TRIO: variants seen among roughly 807,000 people sequenced by gnomAD.
TRIO encodes trio Rho guanine nucleotide exchange factor, also known as triple functional domain protein.
TRIO carries 58 observed loss-of-function variants against 351.9 expected under a neutral mutation model. That is an observed-to-expected ratio of 0.16 (90% CI 0.13 to 0.21). The LOEUF (loss-of-function observed/expected upper bound fraction) is 0.21. TRIO is among the 10% of genes least tolerant of loss of function. The pLI, the probability that TRIO is intolerant of heterozygous loss-of-function variation, is 1.00. For missense variants in TRIO, 3,201 were observed against 4,027.8 expected (o/e 0.79, Z 5.56); for synonymous variants, 1,758 against 1,595.7 (o/e 1.10, Z -2.42).
At chr5:14,392,841 T>A (rs1161612819) in intron 27 of TRIO, among the ~76,000 whole-genome samples, 3 of 152,184 alleles carry the variant, frequency 2.0e-5, no homozygotes, top group African/African-American at 7.2e-5. Flanking sequence ...GGTCAGGAGA[T>A]CGACACCATC....
intron 53 of TRIO, among the ~76,000 whole-genome samples, chr5:14,499,710 G>A (rs2126688087): frequency 6.6e-6 from 1 of 152,050 alleles, no homozygotes; most frequent in South Asian, 2.1e-4. Context: ...AATTACACAG[G>A]TGATTTTTTT....
chr5:14,316,060 A>G (rs1190676521), intron 8 of TRIO, among the ~76,000 whole-genome samples: 3 of 152,202 alleles, frequency 2.0e-5, no homozygotes, highest in Non-Finnish European at 2.9e-5. Context: ...TTAAGGAACA[A>G]TTTTGTTCCA....
At chr5:14,402,330 G>A (rs1274796390) in intron 31 of TRIO, among the ~76,000 whole-genome samples, 3 of 152,194 alleles carry the variant, frequency 2.0e-5, no homozygotes, top group Non-Finnish European at 2.9e-5. Flanking sequence ...AATGCTCATG[G>A]TACAGTTGAC....
At chr5:14,242,383 A>G (rs1324663209) in intron 1 of TRIO, among the ~76,000 whole-genome samples, 1 of 152,284 alleles carries the variant, frequency 6.6e-6, no homozygotes, top group Non-Finnish European at 1.5e-5. Context: ...GAAACACAAA[A>G]GATACCAATC....
chr5:14,376,896 C>T (rs1163152135), intron 19 of TRIO, among the ~76,000 whole-genome samples: 1 of 152,180 alleles, frequency 6.6e-6, no homozygotes, highest in African/African-American at 2.4e-5. Flanking sequence ...CTGGATCTTA[C>T]CCGTCTAGCA....
At chr5:14,404,833 G>A (rs1274101270) in intron 31 of TRIO, among the ~76,000 whole-genome samples, 1 of 152,150 alleles carries the variant, frequency 6.6e-6, no homozygotes, top group East Asian at 1.9e-4. Flanking sequence ...TGTAGAAAGA[G>A]GATGATCAAT....
At chr5:14,253,117 C>T (rs878882245) in intron 1 of TRIO, among the ~76,000 whole-genome samples, 1 of 152,202 alleles carries the variant, frequency 6.6e-6, no homozygotes, top group Admixed American at 6.5e-5. Context: ...AAACTCTGCT[C>T]AAGAAAAGGA....
chr5:14,352,103 T>C (rs1036218428), intron 11 of TRIO, among the ~76,000 whole-genome samples: 2 of 152,242 alleles, frequency 1.3e-5, no homozygotes, highest in African/African-American at 4.8e-5. Flanking sequence ...TCCATGTCCC[T>C]TCCTAGTCAT....
chr5:14,482,799 T>C (rs1342359305), intron 46 of TRIO, 26 bp downstream of exon 46: 2 of 1,514,972 alleles, frequency 1.3e-6, no homozygotes, highest in African/African-American at 1.4e-5. Flanking sequence ...GTGTGATTTC[T>C]CTGTGCCAGC....
intron 15 of TRIO, among the ~76,000 whole-genome samples, 198 bp downstream of exon 15, chr5:14,365,014 G>T (rs1744475131): frequency 6.6e-6 from 1 of 152,194 alleles, no homozygotes; most frequent in Non-Finnish European, 1.5e-5. Context: ...TGAAAAGGGA[G>T]CCAGTGGCCA....
chr5:14,399,847 A>G (rs920855086), intron 30 of TRIO, among the ~76,000 whole-genome samples: 3 of 152,150 alleles, frequency 2.0e-5, no homozygotes, highest in Non-Finnish European at 4.4e-5. Flanking sequence ...GGCAGAAGGG[A>G]CGATTGGGTT....
In TRIO at chr5:14,286,845, T is replaced by C; in HGVS notation, c.348-26T>C. ...AGAGTGGCAAGAGATGTAACCCGTC[T>C]TCAGCCATGTTTTCTTTCTCTGCAG... On this transcript the variant is annotated intron_variant, in intron 3 of 56. Coordinates refer to ENST00000344204, the MANE Select transcript of TRIO (RefSeq NM_007118.4). This position sits in a 1 kb window ranked among gnomAD's most constrained non-coding sequence, Gnocchi z 4.4. The C allele has an allele frequency of 6.2e-7, 1 of 1,603,800 alleles. No individual in the cohort carries two copies. Among genetic ancestry groups the C allele is most frequent in the South Asian group, 1.1e-5 (1 of 89,602 alleles).
intron 47 of TRIO, among the ~76,000 whole-genome samples, chr5:14,486,082 A>G (rs1257882379): frequency 6.6e-6 from 1 of 151,872 alleles, no homozygotes; most frequent in Non-Finnish European, 1.5e-5. Flanking sequence ...TGGCCACACT[A>G]CCCTTCCATT....
intron 41 of TRIO, chr5:14,477,332 G>A (rs753726617): frequency 1.1e-4 from 19 of 165,694 alleles, no homozygotes; most frequent in South Asian, 2.0e-4. Context: ...GAAAATAAGC[G>A]TATTAACATT....
chr5:14,442,603 T>C (rs997257721), intron 34 of TRIO, among the ~76,000 whole-genome samples: 1 of 152,252 alleles, frequency 6.6e-6, no homozygotes, highest in African/African-American at 2.4e-5. Flanking sequence ...GGGCTCTTTT[T>C]GTCATATTTA....
chr5:14,419,778 C>T lies in TRIO; in HGVS notation c.4960C>T (p.Leu1654Phe). 1 of 1,614,122 alleles carries T rather than the reference C, an allele frequency of 6.2e-7. No individual in the cohort carries two copies. ...TCCTCTCTTCCTCTGTTCCCCCCAG[C>T]TCTCTGGTGGCTGTGAGCTGACAGT... ...TSQNTLDSDK[L>F]SGGCELTVVI... is the part of the protein sequence containing the mutation. The change falls in exon 34 of 57, where the codon CTC (leucine) becomes TTC (phenylalanine). Residue 1654 changes from leucine to phenylalanine, a missense_variant and splice_region_variant. Around this residue, in one of 19 missense-constraint regions of TRIO, gnomAD observed 136 missense variants for 229.5 expected, o/e 0.59. Coordinates refer to ENST00000344204, the MANE Select transcript of TRIO (RefSeq NM_007118.4).
intron 33 of TRIO, among the ~76,000 whole-genome samples, chr5:14,419,218 G>T (rs1199407415): frequency 6.6e-6 from 1 of 152,058 alleles, no homozygotes; most frequent in African/African-American, 2.4e-5. Flanking sequence ...AGGGCAGAGG[G>T]CCTCAGGAGC....
At chr5:14,186,064 A>C (rs1012038700) in intron 1 of TRIO, among the ~76,000 whole-genome samples, 1 of 152,212 alleles carries the variant, frequency 6.6e-6, no homozygotes, top group Non-Finnish European at 1.5e-5. Context: ...CCCAATTAGC[A>C]CTACTGAGTA....
At chr5:14,390,463 T>G in intron 26 of TRIO, 163 bp downstream of exon 26, 1 of 663,618 alleles carries the variant, frequency 1.5e-6, no homozygotes, top group Non-Finnish European at 2.6e-6. Flanking sequence ...CAACTAATTG[T>G]TTTTGTGGAG....
Sources: allele counts gnomAD v4.1 joint callset (sites outside exome capture counted in the v4.1 genomes callset), GRCh38; gene constraint gnomAD v4.1.1; regional missense constraint gnomAD v4.1.1; non-coding constraint Gnocchi (gnomAD v3.1); transcripts MANE v1.5; gene names NCBI Gene and HGNC (gene_info 2026-07-23, HGNC 2026-07-21).